Variants in INPP4B observed in about 807,000 individuals in gnomAD.
INPP4B encodes inositol polyphosphate-4-phosphatase type II B.
A neutral mutation model predicts 122.5 loss-of-function variants in INPP4B; 55 were observed. The observed-to-expected ratio is 0.45, with a 90% CI of 0.36 to 0.56. The LOEUF is 0.56. Ranked by LOEUF, INPP4B falls within the 20% of genes least tolerant of loss-of-function variation. The pLI is 0.00. For missense variants in INPP4B, 1,000 were observed against 1,097.7 expected (o/e 0.91, Z 1.26); for synonymous variants, 403 against 388.7 (o/e 1.04, Z -0.43).
intron 5 of INPP4B, among the ~76,000 whole-genome samples, chr4:142,414,277 T>G (rs1805221286): frequency 6.6e-6 from 1 of 152,100 alleles, no homozygotes; most frequent in Non-Finnish European, 1.5e-5. Flanking sequence ...GTGTGTTAAA[T>G]AGAAATGTGC....
intron 1 of INPP4B, among the ~76,000 whole-genome samples, chr4:142,734,006 A>G (rs1766463635): frequency 6.6e-6 from 1 of 152,224 alleles, no homozygotes; most frequent in African/African-American, 2.4e-5. Flanking sequence ...ACTATAGGAA[A>G]ACATTCTGTT....
chr4:142,171,536 ACTCT>A (rs908020043), intron 16 of INPP4B, among the ~76,000 whole-genome samples: 3 of 151,624 alleles, frequency 2.0e-5, no homozygotes, highest in Non-Finnish European at 2.9e-5. Flanking sequence ...TACCACTAAA[ACTCT>A]CTCTCTTTCA....
intron 23 of INPP4B, among the ~76,000 whole-genome samples, chr4:142,107,549 C>T (rs1020236973): frequency 1.3e-5 from 2 of 152,130 alleles, no homozygotes; most frequent in South Asian, 2.1e-4. Context: ...AAAACAAATT[C>T]CAAATGTGTA....
chr4:142,318,478 CTT>C (rs1768689883), intron 7 of INPP4B, among the ~76,000 whole-genome samples: 1 of 152,150 alleles, frequency 6.6e-6, no homozygotes, highest in South Asian at 2.1e-4. Flanking sequence ...TCAAGCCTTC[CTT>C]AGGAATTCAT....
intron 25 of INPP4B, among the ~76,000 whole-genome samples, chr4:142,063,134 G>T (rs184564943): frequency 1.5e-3 from 232 of 152,216 alleles, no homozygotes; most frequent in African/African-American, 5.3e-3. Context: ...ATATCAGATT[G>T]CTGAGCATTT....
rs1762998832 is a variant in INPP4B at position 142,305,496 on chromosome 4, C to T, written c.465G>A (p.Leu155=). Residue 155 remains leucine, a synonymous_variant, in exon 9 of 26, where the codon CTG becomes CTA. Coordinates refer to ENST00000262992, the MANE Select transcript of INPP4B (RefSeq NM_001101669.3). The part of the protein sequence containing the change: ...LGYASFKVGE[L]LKSKEQLLVL... ...CCAGCAATTGCTCCTTTGACTTCAG[C>T]AGCTCTCCCACTTTAAAACTGGCAT... 3.1e-6 allele frequency: 5 copies of T among 1,613,054 alleles called. No individual in the cohort carries two copies. Among genetic ancestry groups the T allele is most frequent in the Non-Finnish European group, 4.2e-6 (5 of 1,179,370 alleles).
At chr4:142,184,420 G>A (rs1490790491) in intron 15 of INPP4B, among the ~76,000 whole-genome samples, 1 of 152,134 alleles carries the variant, frequency 6.6e-6, no homozygotes, top group Non-Finnish European at 1.5e-5. Flanking sequence ...TTCCACAAGT[G>A]TCTTTTTGTT....
chr4:142,591,589 T>C (rs747692924), intron 2 of INPP4B, among the ~76,000 whole-genome samples: 1 of 152,094 alleles, frequency 6.6e-6, no homozygotes, highest in Non-Finnish European at 1.5e-5. Context: ...GTGGTCTGTG[T>C]ACAGTGATTT....
At chr4:142,797,070 G>C (rs1333883383) in intron 1 of INPP4B, among the ~76,000 whole-genome samples, 2 of 151,972 alleles carry the variant, frequency 1.3e-5, no homozygotes, top group South Asian at 4.1e-4. Flanking sequence ...ATATTCATCA[G>C]TGAAGTTCAA....
intron 2 of INPP4B, among the ~76,000 whole-genome samples, chr4:142,698,310 G>A (rs1274152755): frequency 6.6e-6 from 1 of 150,978 alleles, no homozygotes; most frequent in Non-Finnish European, 1.5e-5. Context: ...AAAGACATAC[G>A]AGATTAATTT....
chr4:142,711,463 A>T (rs1763110623), intron 2 of INPP4B, among the ~76,000 whole-genome samples: 1 of 151,992 alleles, frequency 6.6e-6, no homozygotes. Context: ...CCATAGAAAA[A>T]GACTAATAAT....
intron 21 of INPP4B, 146 bp downstream of exon 21, chr4:142,121,982 C>T (rs1796730192): frequency 8.4e-6 from 5 of 596,680 alleles, no homozygotes; most frequent in Middle Eastern, 4.4e-4. Context: ...ATCATATCAT[C>T]CATGTGTATT....
At position 142,353,950 on chromosome 4, in the gene INPP4B, A is replaced by G. The variant is rs573869099; in HGVS notation, c.373-39188T>C. ...TTTTATCTTCAACAATTTTTTCCCAATGCTAAATGAAATTTTGTTCAATAA... is the reference window on the plus strand; with the variant it reads ...TTTTATCTTCAACAATTTTTTCCCAGTGCTAAATGAAATTTTGTTCAATAA... On this transcript the variant is annotated intron_variant, in intron 7 of 25. Coordinates refer to ENST00000262992, the MANE Select transcript of INPP4B (RefSeq NM_001101669.3). Among the ~76,000 whole-genome samples the G allele has an allele frequency of 4.0e-5, 6 of 151,790 alleles. No homozygotes were observed. The South Asian group carries it at 1.2e-3, about 32-fold the overall frequency.
At chr4:142,655,709 A>T (rs1031111274) in intron 2 of INPP4B, among the ~76,000 whole-genome samples, 1 of 152,222 alleles carries the variant, frequency 6.6e-6, no homozygotes, top group Non-Finnish European at 1.5e-5. Flanking sequence ...TTACAAACTT[A>T]TTCCTAATAA....
intron 7 of INPP4B, among the ~76,000 whole-genome samples, chr4:142,332,888 A>G (rs1045514984): frequency 1.9e-4 from 28 of 150,728 alleles, no homozygotes; most frequent in South Asian, 2.1e-4. Flanking sequence ...GCGGGTGCCT[A>G]TAGTCCCAGC....
intron 3 of INPP4B, among the ~76,000 whole-genome samples, chr4:142,435,212 A>C (rs1382310843): frequency 1.3e-5 from 2 of 152,174 alleles, no homozygotes; most frequent in African/African-American, 2.4e-5. Flanking sequence ...AAGATACTTA[A>C]ACACAAGTGT....
intron 1 of INPP4B, among the ~76,000 whole-genome samples, chr4:142,807,452 G>C (rs1779002367): frequency 6.6e-6 from 1 of 152,158 alleles, no homozygotes; most frequent in Admixed American, 6.5e-5. Context: ...AGTATGGGAG[G>C]GGGAGGGCAA....
chr4:142,116,253 G>T (rs1405355843), intron 21 of INPP4B, among the ~76,000 whole-genome samples: 3 of 151,924 alleles, frequency 2.0e-5, no homozygotes, highest in Non-Finnish European at 2.9e-5. Flanking sequence ...GACAGATCAA[G>T]GAGACAGAAA....
At chr4:142,221,094 T>C (rs574531139) in intron 12 of INPP4B, among the ~76,000 whole-genome samples, 1 of 152,116 alleles carries the variant, frequency 6.6e-6, no homozygotes, top group South Asian at 2.1e-4. Context: ...GTGTGGACTC[T>C]CTATTAGAAA....
Sources: allele counts gnomAD v4.1 joint callset (sites outside exome capture counted in the v4.1 genomes callset), GRCh38; gene constraint gnomAD v4.1.1; transcripts MANE v1.5; gene names NCBI Gene and HGNC (gene_info 2026-07-23, HGNC 2026-07-21).